The following ZFHX3 variants were observed in gnomAD, a reference collection of about 807,000 sequenced individuals.
The protein encoded by ZFHX3 is zinc finger homeobox 3, also known as zinc finger homeobox protein 3.
A neutral mutation model predicts 279.1 loss-of-function variants in ZFHX3; 42 were observed. The observed-to-expected ratio is 0.15, with a 90% CI of 0.12 to 0.19. ZFHX3 has a LOEUF of 0.19. ZFHX3 is among the 10% of genes least tolerant of loss of function. ZFHX3 has a pLI of 1.00. For missense variants in ZFHX3, 4,981 were observed against 4,754.0 expected (o/e 1.05, Z -1.40); for synonymous variants, 2,293 against 1,957.8 (o/e 1.17, Z -4.52).
At chr16:73,297,123 C>T (rs1811311) in intron 4 of ZFHX3, among the ~76,000 whole-genome samples, 57,135 of 151,458 alleles carry the variant, frequency 0.38, 11,114 homozygotes, top group Middle Eastern at 0.49. Flanking sequence ...GTGATCCGCC[C>T]GCCTAGGCCT....
At chr16:73,336,306 C>T (rs115277702) in intron 3 of ZFHX3, among the ~76,000 whole-genome samples, 3,040 of 152,120 alleles carry the variant, frequency 0.02, 110 homozygotes, top group African/African-American at 0.068. Context: ...TGCTGTGTCA[C>T]GGGGGTTTGG....
At chr16:72,859,976 G>T (rs1177602683) in intron 4 of ZFHX3, among the ~76,000 whole-genome samples, 2 of 152,198 alleles carry the variant, frequency 1.3e-5, no homozygotes, top group African/African-American at 4.8e-5. Context: ...AGAGAAGCTT[G>T]TAAGGACACT....
intron 3 of ZFHX3, among the ~76,000 whole-genome samples, chr16:73,340,423 A>G (rs1456390321): frequency 6.6e-6 from 1 of 152,234 alleles, no homozygotes; most frequent in Non-Finnish European, 1.5e-5. Context: ...CAGTGGCACG[A>G]TGATCATGGC....
intron 1 of ZFHX3, among the ~76,000 whole-genome samples, chr16:73,034,619 A>G (rs1964834608): frequency 6.6e-6 from 1 of 152,212 alleles, no homozygotes; most frequent in Non-Finnish European, 1.5e-5. Flanking sequence ...GGCTCCCTGC[A>G]GCCCTGTCTG....
chr16:73,703,761 G>A (rs1391045185), intron 1 of ZFHX3, among the ~76,000 whole-genome samples: 1 of 152,200 alleles, frequency 6.6e-6, no homozygotes, highest in Non-Finnish European at 1.5e-5. Flanking sequence ...AGATGGATAG[G>A]AAAGCACAGA....
At chr16:73,465,010 A>C (rs1314196318) in intron 2 of ZFHX3, among the ~76,000 whole-genome samples, 1 of 152,206 alleles carries the variant, frequency 6.6e-6, no homozygotes, top group East Asian at 1.9e-4. Flanking sequence ...CTGGATGTGC[A>C]CATGCCCTAA....
intron 3 of ZFHX3, among the ~76,000 whole-genome samples, chr16:73,439,163 G>A (rs529656669): frequency 7.2e-5 from 11 of 152,284 alleles, no homozygotes; most frequent in Non-Finnish European, 1.0e-4. Flanking sequence ...CAATAGAGGC[G>A]GGGTGAGAAA....
At chr16:73,021,830 C>CAAA (rs60811631) in intron 1 of ZFHX3, among the ~76,000 whole-genome samples, 10 of 71,776 alleles carry the variant, frequency 1.4e-4, no homozygotes, top group Admixed American at 6.2e-4. Context: ...GACTCCATCT[C>CAAA]AAAAAAAAAA....
chr16:73,853,699 C>A (rs1026163927), intron 1 of ZFHX3, among the ~76,000 whole-genome samples: 2 of 152,048 alleles, frequency 1.3e-5, no homozygotes, highest in African/African-American at 2.4e-5. Context: ...GAGAGGGAGA[C>A]AAGGACTGAA....
At chr16:73,278,504 G>C (rs771114930) in intron 4 of ZFHX3, among the ~76,000 whole-genome samples, 7 of 152,230 alleles carry the variant, frequency 4.6e-5, no homozygotes, top group Non-Finnish European at 8.8e-5. Flanking sequence ...CAGACCCAAA[G>C]AGTGAGCAGT....
intron 5 of ZFHX3, among the ~76,000 whole-genome samples, chr16:73,225,735 C>T (rs1218972400): frequency 6.6e-6 from 1 of 152,202 alleles, no homozygotes; most frequent in African/African-American, 2.4e-5. Context: ...ACACTGTGTT[C>T]TGCATAGTAT....
chr16:72,895,810 T>G (rs1488674924), intron 3 of ZFHX3, among the ~76,000 whole-genome samples: 2 of 152,020 alleles, frequency 1.3e-5, no homozygotes, highest in Non-Finnish European at 2.9e-5. Context: ...GCTCACAGAG[T>G]GAGACCCTGT....
At chr16:73,674,742 G>C (rs148096603) in intron 2 of ZFHX3, among the ~76,000 whole-genome samples, 2,601 of 152,220 alleles carry the variant, frequency 0.017, 66 homozygotes, top group Non-Finnish European at 0.023. Context: ...CTTATATGTT[G>C]ACATTTGCCC....
At chr16:73,210,904 C>T (rs910572835) in intron 5 of ZFHX3, among the ~76,000 whole-genome samples, 1 of 152,008 alleles carries the variant, frequency 6.6e-6, no homozygotes, top group African/African-American at 2.4e-5. Flanking sequence ...GATAGCAAAA[C>T]CATAGCCTTC....
intron 2 of ZFHX3, among the ~76,000 whole-genome samples, chr16:73,463,490 AT>A (rs1452759939): frequency 1.3e-5 from 2 of 152,174 alleles, no homozygotes; most frequent in Non-Finnish European, 2.9e-5. Flanking sequence ...CCTGGATCCC[AT>A]TCATCGTTTC....
At chr16:73,799,621 C>T (rs1322557626) in intron 1 of ZFHX3, among the ~76,000 whole-genome samples, 1 of 152,094 alleles carries the variant, frequency 6.6e-6, no homozygotes, top group South Asian at 2.1e-4. Flanking sequence ...AAAAGCCTTC[C>T]CCTGCTTCCT....
intron 1 of ZFHX3, among the ~76,000 whole-genome samples, chr16:73,045,962 T>C (rs560613391): frequency 5.3e-5 from 8 of 152,206 alleles, no homozygotes; most frequent in Non-Finnish European, 1.0e-4. Flanking sequence ...CTTGTGTAAT[T>C]AAATAAAAGA....
At chr16:73,467,565 C>A (rs777739670) in intron 2 of ZFHX3, among the ~76,000 whole-genome samples, 88 of 152,274 alleles carry the variant, frequency 5.8e-4, no homozygotes, top group Admixed American at 2.5e-3. Flanking sequence ...GGCAGAGGGA[C>A]AAACAGATGG....
chr16:73,733,471 C>T (rs1421525120), intron 1 of ZFHX3, among the ~76,000 whole-genome samples: 1 of 151,950 alleles, frequency 6.6e-6, no homozygotes, highest in Non-Finnish European at 1.5e-5. Context: ...TTATATACCC[C>T]CAAATTACAC....
Sources: allele counts gnomAD v4.1 joint callset (sites outside exome capture counted in the v4.1 genomes callset), GRCh38; gene constraint gnomAD v4.1.1; transcripts MANE v1.5; gene names NCBI Gene and HGNC (gene_info 2026-07-23, HGNC 2026-07-21).